Variants in GPR158 observed in about 807,000 individuals in gnomAD.
The protein encoded by GPR158 is G protein-coupled receptor 158.
GPR158 carries 30 observed loss-of-function variants against 78.2 expected under a neutral mutation model. The observed-to-expected ratio is 0.38, with a 90% CI of 0.29 to 0.52. GPR158 has a LOEUF of 0.52. Ranked by LOEUF, GPR158 falls within the 20% of genes least tolerant of loss-of-function variation. GPR158 has a pLI of 0.83. For missense variants in GPR158, 1,463 were observed against 1,523.5 expected (o/e 0.96, Z 0.66); for synonymous variants, 581 against 591.1 (o/e 0.98, Z 0.25).
At chr10:25,336,592 T>A (rs935126883) in intron 2 of GPR158, among the ~76,000 whole-genome samples, 1 of 152,056 alleles carries the variant, frequency 6.6e-6, no homozygotes, top group South Asian at 2.1e-4. Flanking sequence ...CTCTAACTAA[T>A]GAGACCTGAG....
chr10:25,415,617 A>G (rs1264227112), intron 4 of GPR158, among the ~76,000 whole-genome samples: 1 of 152,106 alleles, frequency 6.6e-6, no homozygotes, highest in African/African-American at 2.4e-5. Context: ...AAATTGAAGT[A>G]TGATATGATC....
chr10:25,373,094 A>G (rs1834023332), intron 2 of GPR158, among the ~76,000 whole-genome samples: 1 of 151,956 alleles, frequency 6.6e-6, no homozygotes, highest in African/African-American at 2.4e-5. Flanking sequence ...TGTGGTGCAT[A>G]TGTGCTGTGG....
intron 2 of GPR158, among the ~76,000 whole-genome samples, chr10:25,241,376 C>T (rs201575696): frequency 5.0e-4 from 44 of 87,284 alleles, no homozygotes; most frequent in African/African-American, 1.7e-3. Context: ...TCTTTTCTCT[C>T]TTCTCTTCTC....
At chr10:25,191,858 CT>C (rs1422958232) in intron 1 of GPR158, among the ~76,000 whole-genome samples, 2 of 152,132 alleles carry the variant, frequency 1.3e-5, no homozygotes, top group South Asian at 2.1e-4. Context: ...TTCTCCCTCA[CT>C]TTTTTTGGGG....
At chr10:25,281,887 A>C (rs573445562) in intron 2 of GPR158, among the ~76,000 whole-genome samples, 1 of 152,248 alleles carries the variant, frequency 6.6e-6, no homozygotes, top group African/African-American at 2.4e-5. Context: ...GTGAAGATCC[A>C]TTACAAGGAT....
chr10:25,343,068 A>T (rs1359603242), intron 2 of GPR158, among the ~76,000 whole-genome samples: 1 of 151,932 alleles, frequency 6.6e-6, no homozygotes, highest in Non-Finnish European at 1.5e-5. Flanking sequence ...TTATGAGCAA[A>T]CTTCCTAGTG....
At chr10:25,505,060 T>A (rs1394935513) in intron 5 of GPR158, among the ~76,000 whole-genome samples, 1 of 152,208 alleles carries the variant, frequency 6.6e-6, no homozygotes, top group Non-Finnish European at 1.5e-5. Flanking sequence ...GCCTGCCTCA[T>A]AGAATTGTTA....
At chr10:25,355,904 G>C (rs570532920) in intron 2 of GPR158, among the ~76,000 whole-genome samples, 5 of 152,022 alleles carry the variant, frequency 3.3e-5, no homozygotes, top group Admixed American at 6.6e-5. Flanking sequence ...CTCTGATTTA[G>C]TATCTCCTTT....
intron 2 of GPR158, among the ~76,000 whole-genome samples, chr10:25,317,625 G>T (rs1854874052): frequency 6.6e-6 from 1 of 151,538 alleles, no homozygotes; most frequent in Admixed American, 6.6e-5. Flanking sequence ...AATTCAGTTG[G>T]ATTATTGTGG....
chr10:25,247,843 G>T (rs1313237793), intron 2 of GPR158, among the ~76,000 whole-genome samples: 4 of 148,158 alleles, frequency 2.7e-5, no homozygotes, highest in Non-Finnish European at 6.0e-5. Context: ...TAATGGGATG[G>T]CTGGGTCAAA....
At chr10:25,290,666 T>C (rs944839204) in intron 2 of GPR158, among the ~76,000 whole-genome samples, 1 of 152,096 alleles carries the variant, frequency 6.6e-6, no homozygotes, top group Non-Finnish European at 1.5e-5. Flanking sequence ...AATGACTTTG[T>C]GGGAGGGAGG....
chr10:25,372,099 T>G (rs1564436329), intron 2 of GPR158, among the ~76,000 whole-genome samples: 2 of 50,726 alleles, frequency 3.9e-5, no homozygotes, highest in African/African-American at 8.9e-5. Context: ...AAAAAACACA[T>G]GAAAAAAATG....
intron 2 of GPR158, among the ~76,000 whole-genome samples, chr10:25,273,242 A>G (rs1200749312): frequency 6.6e-6 from 1 of 152,146 alleles, no homozygotes; most frequent in East Asian, 1.9e-4. Flanking sequence ...CTCATTGTCA[A>G]TATCACTACC....
Position 25,263,935 on chromosome 10 carries a change from TA to T in GPR158, c.1008+42785del, listed in dbSNP as rs5783916. On this transcript the variant is annotated intron_variant, in intron 2 of 10. Transcript: ENST00000376351. ...CTCAGCGACAGAGTGAGACTGTCTT[TA>T]AAAAAATGAAATAAATTTCACCTTT... Among the ~76,000 whole-genome samples the T allele has an allele frequency of 2.1e-3, 314 of 152,278 alleles. 9 individuals carry two copies. The East Asian group carries it at 0.051, about 25-fold the overall frequency.
chr10:25,250,291 GT>G (rs1471323220), intron 2 of GPR158, among the ~76,000 whole-genome samples: 8 of 118,764 alleles, frequency 6.7e-5, no homozygotes, highest in Admixed American at 1.8e-4. Context: ...TTTTTGAAGG[GT>G]TTTTTGTGTC....
intron 2 of GPR158, among the ~76,000 whole-genome samples, chr10:25,222,143 T>C (rs571073037): frequency 4.3e-4 from 66 of 152,166 alleles, no homozygotes; most frequent in African/African-American, 1.6e-3. Context: ...TATACGCCCA[T>C]TGAGTGTTTA....
At chr10:25,513,129 T>A (rs1836106797) in intron 5 of GPR158, among the ~76,000 whole-genome samples, 1 of 152,078 alleles carries the variant, frequency 6.6e-6, no homozygotes, top group Admixed American at 6.6e-5. Context: ...CTTCTTTGAA[T>A]GTCTGATAGA....
intron 6 of GPR158, among the ~76,000 whole-genome samples, chr10:25,565,069 T>C (rs1254729782): frequency 6.6e-6 from 1 of 152,226 alleles, no homozygotes; most frequent in African/African-American, 2.4e-5. Context: ...TCCTATATTG[T>C]TATCAAAATT....
At chr10:25,339,824 T>C (rs1174316307) in intron 2 of GPR158, among the ~76,000 whole-genome samples, 1 of 152,110 alleles carries the variant, frequency 6.6e-6, no homozygotes, top group Non-Finnish European at 1.5e-5. Context: ...GGTTTCTTAA[T>C]GTTAAACTGA....
Sources: allele counts gnomAD v4.1 joint callset (sites outside exome capture counted in the v4.1 genomes callset), GRCh38; gene constraint gnomAD v4.1.1; transcripts MANE v1.5; gene names NCBI Gene and HGNC (gene_info 2026-07-23, HGNC 2026-07-21).